The following ZNF385D variants were observed in gnomAD, a reference collection of about 807,000 sequenced individuals.
ZNF385D encodes zinc finger protein 659.
ZNF385D carries 15 observed loss-of-function variants against 35.8 expected under a neutral mutation model. The ratio of observed to expected loss-of-function variants is 0.42; its 90% confidence interval spans 0.28 to 0.64. ZNF385D has a LOEUF of 0.64. Ranked by LOEUF, ZNF385D falls within the 30% of genes least tolerant of loss-of-function variation. The probability of loss-of-function intolerance (pLI) is 0.23; values close to 1 mark genes in which losing one functional copy is unlikely to be tolerated. For missense variants in ZNF385D, 474 were observed against 494.6 expected, an observed-to-expected ratio of 0.96 and a Z score of 0.39; for synonymous variants, 212 against 186.8, an observed-to-expected ratio of 1.13 and a Z score of -1.10.
intron 3 of ZNF385D, among the ~76,000 whole-genome samples, chr3:22,118,918 A>G (rs1277850687): frequency 2.0e-5 from 3 of 152,194 alleles, no homozygotes; most frequent in African/African-American, 4.8e-5. Flanking sequence ...TGCAAGTCTT[A>G]TAACATTATC....
At chr3:21,848,817 G>A (rs1334714221) in intron 3 of ZNF385D, among the ~76,000 whole-genome samples, 1 of 151,892 alleles carries the variant, frequency 6.6e-6, no homozygotes, top group East Asian at 1.9e-4. Flanking sequence ...ATAAAGAAGG[G>A]GAATGCTACT....
At position 21,643,689 on chromosome 3, in the gene ZNF385D, G is replaced by A. The variant is rs180772675; in HGVS notation, c.165+21197C>T. Among the ~76,000 whole-genome samples, 14 of 152,134 alleles carry A rather than the reference G, an allele frequency of 9.2e-5. No individual in the cohort carries two copies. The East Asian group carries it at 2.7e-3, about 30-fold the overall frequency. On this transcript the variant is annotated intron_variant, in intron 2 of 7. Coordinates refer to ENST00000281523, the MANE Select transcript of ZNF385D (RefSeq NM_024697.3). ...TGTTCCAGATATTTAGAGTGTCATG[G>A]GAGGAATGACTGAATATATTTCAAA...
intron 3 of ZNF385D, among the ~76,000 whole-genome samples, chr3:22,067,825 C>A (rs1416588913): frequency 6.6e-6 from 1 of 152,062 alleles, no homozygotes; most frequent in Non-Finnish European, 1.5e-5. Flanking sequence ...AGATCGAGAC[C>A]ATCCTGCCCA....
intron 3 of ZNF385D, among the ~76,000 whole-genome samples, chr3:21,807,848 G>A (rs1271978003): frequency 3.9e-5 from 6 of 152,142 alleles, no homozygotes; most frequent in African/African-American, 1.2e-4. Flanking sequence ...GAGATGGAGT[G>A]TCATAGTTAC....
At chr3:21,815,677 G>C (rs1438003495) in intron 3 of ZNF385D, among the ~76,000 whole-genome samples, 1 of 152,142 alleles carries the variant, frequency 6.6e-6, no homozygotes, top group Non-Finnish European at 1.5e-5. Flanking sequence ...CTGAAATTGA[G>C]ATAATAATTA....
intron 3 of ZNF385D, among the ~76,000 whole-genome samples, chr3:21,988,612 C>A (rs1694955757): frequency 6.9e-6 from 1 of 144,704 alleles, no homozygotes; most frequent in African/African-American, 2.5e-5. Flanking sequence ...GAGGTTACTG[C>A]TGTCTTTTTG....
chr3:21,977,990 T>G (rs188049368), intron 3 of ZNF385D, among the ~76,000 whole-genome samples: 14 of 152,192 alleles, frequency 9.2e-5, no homozygotes, highest in Non-Finnish European at 1.5e-4. Context: ...GTAGTTGGTA[T>G]AGCCAAAGGA....
At chr3:21,499,749 G>T (rs1232506708) in intron 4 of ZNF385D, among the ~76,000 whole-genome samples, 1 of 151,992 alleles carries the variant, frequency 6.6e-6, no homozygotes, top group Non-Finnish European at 1.5e-5. Flanking sequence ...TTTAGGTTTG[G>T]CCAGGCATCA....
chr3:22,159,003 T>C (rs556020777), intron 3 of ZNF385D, among the ~76,000 whole-genome samples: 5 of 152,024 alleles, frequency 3.3e-5, no homozygotes, highest in East Asian at 1.9e-4. Context: ...GTGATTACTT[T>C]CCTAAGATTA....
At chr3:21,713,880 TCTC>T (rs1437133444) in intron 1 of ZNF385D, among the ~76,000 whole-genome samples, 1 of 152,142 alleles carries the variant, frequency 6.6e-6, no homozygotes, top group Non-Finnish European at 1.5e-5. Flanking sequence ...TACATGTCAC[TCTC>T]CTTTTACATC....
At chr3:21,720,708 A>G (rs1036486079) in intron 1 of ZNF385D, among the ~76,000 whole-genome samples, 5 of 152,234 alleles carry the variant, frequency 3.3e-5, no homozygotes, top group African/African-American at 4.8e-5. Context: ...GAAGTCATCA[A>G]GGTCTTTTTC....
chr3:21,595,054 G>T (rs1293603848), intron 2 of ZNF385D, among the ~76,000 whole-genome samples: 2 of 152,116 alleles, frequency 1.3e-5, no homozygotes, highest in Non-Finnish European at 2.9e-5. Flanking sequence ...GGCTTAACAA[G>T]ATTATTGGTC....
Position 21,428,635 on chromosome 3 carries a change from G to A in ZNF385D, c.674-2965C>T, listed in dbSNP as rs143879761. ...AGTGCCACGAATGGTGACACTTTGC[G>A]AAGATATGGCTCTGTGTGGCCGGTG... is the stretch of plus-strand genomic sequence containing the variant. On this transcript the variant is annotated intron_variant, in intron 5 of 7. Transcript: ENST00000281523. Among the ~76,000 whole-genome samples, 334 of 151,906 alleles carry A rather than the reference G, an allele frequency of 2.2e-3. 1 individual carries two copies. Among genetic ancestry groups the A allele is most frequent in the African/African-American group, 7.7e-3 (319 of 41,438 alleles).
chr3:22,008,501 C>A (rs957486317), intron 3 of ZNF385D, among the ~76,000 whole-genome samples: 1 of 151,966 alleles, frequency 6.6e-6, no homozygotes, highest in Non-Finnish European at 1.5e-5. Flanking sequence ...GGACTACAGG[C>A]GCCCGCCACC....
chr3:21,919,646 G>C (rs564136797), intron 3 of ZNF385D, among the ~76,000 whole-genome samples: 12 of 152,276 alleles, frequency 7.9e-5, no homozygotes, highest in African/African-American at 2.6e-4. Context: ...ACTAGAATTA[G>C]CTTTGTTTAA....
intron 3 of ZNF385D, among the ~76,000 whole-genome samples, chr3:22,001,583 C>G (rs1168207122): frequency 6.6e-6 from 1 of 151,930 alleles, no homozygotes; most frequent in Non-Finnish European, 1.5e-5. Flanking sequence ...AGAAAATCAA[C>G]AAAGAAACAC....
At chr3:22,062,930 C>T (rs1699762700) in intron 3 of ZNF385D, among the ~76,000 whole-genome samples, 1 of 152,154 alleles carries the variant, frequency 6.6e-6, no homozygotes, top group Admixed American at 6.5e-5. Flanking sequence ...ATGACTGCAG[C>T]CTGGGTGATG....
intron 2 of ZNF385D, among the ~76,000 whole-genome samples, chr3:22,213,516 T>C (rs1697659193): frequency 6.6e-6 from 1 of 152,042 alleles, no homozygotes; most frequent in Non-Finnish European, 1.5e-5. Flanking sequence ...GAAATATTAG[T>C]TTATGTCCTA....
chr3:21,819,642 CTATAT>C (rs1191094440), intron 3 of ZNF385D, among the ~76,000 whole-genome samples: 1 of 118,822 alleles, frequency 8.4e-6, no homozygotes, highest in Non-Finnish European at 1.7e-5. Context: ...ATTATATATT[CTATAT>C]TATATATTTA....
Sources: allele counts gnomAD v4.1 joint callset (sites outside exome capture counted in the v4.1 genomes callset), GRCh38; gene constraint gnomAD v4.1.1; transcripts MANE v1.5; gene names NCBI Gene and HGNC (gene_info 2026-07-23, HGNC 2026-07-21).